The following ETS1 variants were observed in gnomAD, a reference collection of about 807,000 sequenced individuals.
The protein encoded by ETS1 is ETS proto-oncogene 1, transcription factor, also known as protein C-ets-1.
A neutral mutation model predicts 58.6 loss-of-function variants in ETS1; 15 were observed. The observed-to-expected ratio is 0.26, with a 90% confidence interval of 0.17 to 0.39. The LOEUF is 0.39. ETS1 is among the 10% of genes least tolerant of loss of function. The pLI, the probability that ETS1 is intolerant of heterozygous loss-of-function variation, is 1.00. For synonymous variants in ETS1, 214 were observed against 218.2 expected (o/e 0.98, Z 0.17); for missense variants, 417 against 610.5 (o/e 0.68, Z 3.34).
chr11:128,496,326 T>C (rs4254089), intron 3 of ETS1, among the ~76,000 whole-genome samples: 44,207 of 151,460 alleles, frequency 0.29, 6,871 homozygotes, highest in African/African-American at 0.39. Context: ...GGGACTTCCA[T>C]TTCCTACAAG....
At chr11:128,540,185 C>T (rs939718867) in intron 3 of ETS1, among the ~76,000 whole-genome samples, 21 of 151,844 alleles carry the variant, frequency 1.4e-4, no homozygotes, top group East Asian at 1.9e-4. Flanking sequence ...TGGTGGCAGG[C>T]GCCTGTTATC....
intron 2 of ETS1, among the ~76,000 whole-genome samples, chr11:128,559,934 G>C (rs1009508901): frequency 6.6e-6 from 1 of 152,024 alleles, no homozygotes; most frequent in African/African-American, 2.4e-5. Flanking sequence ...TCCTTTCTTG[G>C]CTGCAACTGG....
At position 128,474,241 on chromosome 11, in the gene ETS1, T is replaced by C. The variant is rs1416241632; in HGVS notation, c.1123+5950A>G. On this transcript the variant is annotated intron_variant, in intron 8 of 9. Transcript: ENST00000392668. ...CCAGGGTGCAGGATGTATTGTACAG[T>C]ATGAATAGATCCCTTCTGTCCAAAG... 2.0e-5 allele frequency among the ~76,000 whole-genome samples: 3 copies of C among 152,298 alleles called. No individual in the cohort carries two copies. The East Asian group carries it at 5.8e-4, about 29-fold the overall frequency.
chr11:128,471,420 C>T (rs1216410490), intron 8 of ETS1, among the ~76,000 whole-genome samples: 2 of 152,184 alleles, frequency 1.3e-5, no homozygotes, highest in African/African-American at 2.4e-5. Flanking sequence ...TGTGTGGGGG[C>T]GGCAGCAGGA....
At chr11:128,543,193 CAAAA>C (rs66563990) in intron 3 of ETS1, among the ~76,000 whole-genome samples, 1 of 87,114 alleles carries the variant, frequency 1.1e-5, no homozygotes. Context: ...AACTCTGTCT[CAAAA>C]AAAAAAAAAA....
chr11:128,564,264 A>T (rs1288609318), intron 2 of ETS1, among the ~76,000 whole-genome samples: 2 of 152,172 alleles, frequency 1.3e-5, no homozygotes, highest in African/African-American at 4.8e-5. Context: ...AGGAACAGGC[A>T]AAATAGGAAA....
intron 2 of ETS1, among the ~76,000 whole-genome samples, chr11:128,569,305 G>A (rs1322155110): frequency 6.5e-5 from 3 of 46,426 alleles, no homozygotes; most frequent in African/African-American, 2.4e-4. Context: ...CCATACATGG[G>A]ACAGAGTTTC....
intron 7 of ETS1, among the ~76,000 whole-genome samples, chr11:128,482,777 A>G (rs2135446464): frequency 6.6e-6 from 1 of 152,200 alleles, no homozygotes; most frequent in East Asian, 1.9e-4. Flanking sequence ...TAAACTGTCC[A>G]CTAGCCAGCC....
At chr11:128,545,997 C>T (rs559287155) in intron 3 of ETS1, among the ~76,000 whole-genome samples, 2 of 152,354 alleles carry the variant, frequency 1.3e-5, no homozygotes, top group African/African-American at 4.8e-5. Context: ...AGCCCACAGG[C>T]ATTTCTGTCT....
rs1347332570 is a variant in ETS1, at chr11:128,462,413, G to T, written c.1406C>A (p.Thr469Asn). ...CAGCATGGCGTGCAGCTCCTCAGGG[G>T]TGTACCCCAGCAGGCTCTGCAGGTC... ...VCDLQSLLGYTPEELHAMLDV... is the reference protein window; with the variant it reads ...VCDLQSLLGYNPEELHAMLDV... The change falls in exon 10 of 10, where the codon ACC becomes AAC. Residue 469 changes from threonine to asparagine, a missense_variant. Physicochemically the swap from Thr to Asn is moderately conservative, Grantham distance 65. Coordinates refer to ENST00000392668, the MANE Select transcript of ETS1 (RefSeq NM_001143820.2). The T allele has an allele frequency of 1.2e-6, 2 of 1,614,212 alleles. No individual in the cohort carries two copies. Among genetic ancestry groups the T allele is most frequent in the Non-Finnish European group, 8.5e-7 (1 of 1,180,042 alleles).
At position 128,485,032 on chromosome 11, in the gene ETS1, T is replaced by C; in HGVS notation, c.653A>G (p.Glu218Gly). Residue 218 changes from glutamate to glycine, a missense_variant, in exon 7 of 10, where the codon GAG becomes GGG. Physicochemically the swap from Glu to Gly is moderately conservative, Grantham distance 98 (BLOSUM62 -2). Around this residue, in one of 4 missense-constraint regions of ETS1, gnomAD observed 132 missense variants for 212.1 expected, o/e 0.62. Transcript: ENST00000392668. The part of the protein sequence containing the change: ...IEHAQCVPPS[E>G]FSEPSFITES... Reference sequence around the variant, plus strand: ...TGTGATGAAGCTGGGCTCTGAGAACTCCGATGGTGGAACACACTGGGCATG... The same window carrying C: ...TGTGATGAAGCTGGGCTCTGAGAACCCCGATGGTGGAACACACTGGGCATG... The C allele has an allele frequency of 6.2e-7, 1 of 1,613,894 alleles. No homozygotes were observed. The highest frequency in any genetic ancestry group is 8.5e-7 in the Non-Finnish European group (1 of 1,179,886).
chr11:128,526,876 C>G (rs545830557), intron 3 of ETS1: 1 of 455,628 alleles, frequency 2.2e-6, no homozygotes, highest in South Asian at 1.5e-5. Flanking sequence ...AAGTCCAGCA[C>G]TCCTATTTAC....
chr11:128,566,263 A>G (rs1864492849), intron 2 of ETS1, among the ~76,000 whole-genome samples: 1 of 152,206 alleles, frequency 6.6e-6, no homozygotes, highest in Non-Finnish European at 1.5e-5. Flanking sequence ...TCCCAGCCCC[A>G]GTATCCACCT....
At chr11:128,541,405 C>T (rs1199140504) in intron 3 of ETS1, among the ~76,000 whole-genome samples, 1 of 152,214 alleles carries the variant, frequency 6.6e-6, no homozygotes, top group African/African-American at 2.4e-5. Context: ...CCTCCACTAG[C>T]TAGGACAAGT....
intron 2 of ETS1, among the ~76,000 whole-genome samples, chr11:128,566,260 C>T (rs1037247566): frequency 6.6e-6 from 1 of 152,100 alleles, no homozygotes; most frequent in Non-Finnish European, 1.5e-5. Context: ...CCTTCCCAGC[C>T]CCAGTATCCA....
chr11:128,561,060 G>C (rs1268497190), intron 2 of ETS1, among the ~76,000 whole-genome samples: 2 of 152,198 alleles, frequency 1.3e-5, no homozygotes, highest in Non-Finnish European at 2.9e-5. Flanking sequence ...GTTATAGAGA[G>C]AGAAAGACGG....
intron 2 of ETS1, among the ~76,000 whole-genome samples, chr11:128,566,900 G>A (rs1204952217): frequency 2.6e-5 from 4 of 152,132 alleles, no homozygotes; most frequent in Non-Finnish European, 4.4e-5. Context: ...ACAGCTGCCT[G>A]GACCAGGAGT....
rs541105571 is a variant in ETS1 at position 128,571,131 on chromosome 11, T to TA, written c.69+1930dup. 3.3e-5 allele frequency among the ~76,000 whole-genome samples: 5 copies of TA among 152,060 alleles called. No individual in the cohort carries two copies. In the South Asian group the frequency reaches 8.3e-4, roughly 25 times the overall value. ...GAGAGTTTTTGGTTTTTTTTAATGC[T>TA]AAAAAAAGAACTTCAGGCTGGGCGC... is the stretch of plus-strand genomic sequence containing the variant. On this transcript the variant is annotated intron_variant, in intron 2 of 9. Transcript: ENST00000392668.
At chr11:128,509,646 T>C (rs1246298951) in intron 3 of ETS1, among the ~76,000 whole-genome samples, 7 of 150,156 alleles carry the variant, frequency 4.7e-5, no homozygotes, top group Non-Finnish European at 1.0e-4. Context: ...TTCCTGCCCC[T>C]ATAATGACAA....
Sources: allele counts gnomAD v4.1 joint callset (sites outside exome capture counted in the v4.1 genomes callset), GRCh38; gene constraint gnomAD v4.1.1; regional missense constraint gnomAD v4.1.1; transcripts MANE v1.5; gene names NCBI Gene and HGNC (gene_info 2026-07-23, HGNC 2026-07-21).